The following CPEB4 variants were observed in gnomAD, a reference collection of about 807,000 sequenced individuals.
CPEB4 encodes the protein cytoplasmic polyadenylation element binding protein 4.
Under a neutral mutation model 72.5 loss-of-function variants are expected in CPEB4, and 12 were observed. That is an observed-to-expected ratio of 0.17 (90% confidence interval 0.11 to 0.27). The LOEUF is 0.27. Ranked by LOEUF, CPEB4 falls within the 10% of genes least tolerant of loss-of-function variation. The probability of loss-of-function intolerance (pLI) is 1.00; values close to 1 mark genes in which losing one functional copy is unlikely to be tolerated. For synonymous variants in CPEB4, 302 were observed against 326.3 expected (o/e 0.93, Z 0.80); for missense variants, 614 against 908.5 (o/e 0.68, Z 4.17).
intron 1 of CPEB4, among the ~76,000 whole-genome samples, chr5:173,898,764 C>T (rs1756118205): frequency 6.6e-6 from 1 of 152,234 alleles, no homozygotes; most frequent in Non-Finnish European, 1.5e-5. Flanking sequence ...GCAACCACCA[C>T]CTCCTGGGTT....
At chr5:173,938,206 G>A (rs770833919) in intron 3 of CPEB4, among the ~76,000 whole-genome samples, 6 of 151,914 alleles carry the variant, frequency 3.9e-5, no homozygotes, top group Non-Finnish European at 5.9e-5. Flanking sequence ...AGTCCTCCTG[G>A]AAAAGTCAGG....
chr5:173,896,802 G>A, intron 1 of CPEB4, among the ~76,000 whole-genome samples: 1 of 152,178 alleles, frequency 6.6e-6, no homozygotes, highest in East Asian at 1.9e-4. Flanking sequence ...GGTCACACCT[G>A]TGATCCTAGT....
rs1463197750 is a variant in CPEB4 at position 173,888,712 on chromosome 5, G to A, written c.-1022G>A. ...TTTTTCCTCTTTTTTCCCTCTCTGC[G>A]GAGAATCGAACTGAGGGAACTGAAC... On this transcript the variant is annotated 5_prime_UTR_variant, in exon 1 of 10. Transcript: ENST00000265085. The surrounding 1 kb of genome is among the most constrained non-coding windows in gnomAD (Gnocchi z 4.3). 5.1e-6 allele frequency: 2 copies of A among 392,346 alleles called. No individual in the cohort carries two copies. Among genetic ancestry groups the A allele is most frequent in the Middle Eastern group, 6.3e-4 (1 of 1,578 alleles). The allele number at this position is 392,346 out of a possible 1,614,324, so 24.3% of individuals were successfully genotyped here.
At chr5:173,918,020 A>G (rs55946741) in intron 2 of CPEB4, among the ~76,000 whole-genome samples, 33,789 of 152,176 alleles carry the variant, frequency 0.22, 4,964 homozygotes, top group Non-Finnish European at 0.31. Flanking sequence ...CCTAAGAATT[A>G]GAAAGTTGCC....
intron 5 of CPEB4, among the ~76,000 whole-genome samples, chr5:173,946,348 A>G (rs537524396): frequency 1.3e-5 from 2 of 152,278 alleles, no homozygotes; most frequent in South Asian, 2.1e-4. Flanking sequence ...TTTATGGGGG[A>G]AAATAAGGTT....
intron 5 of CPEB4, among the ~76,000 whole-genome samples, chr5:173,945,721 G>A (rs1203556869): frequency 6.6e-6 from 1 of 152,228 alleles, no homozygotes; most frequent in African/African-American, 2.4e-5. Flanking sequence ...GTGTTGAAAA[G>A]CACACAGCAG....
chr5:173,908,431 TC>T (rs1756522789), intron 1 of CPEB4, among the ~76,000 whole-genome samples: 1 of 152,162 alleles, frequency 6.6e-6, no homozygotes, highest in Non-Finnish European at 1.5e-5. Context: ...ACCCTAACCT[TC>T]CCACCCCTGG....
chr5:173,946,982 T>C (rs930438494), intron 5 of CPEB4, among the ~76,000 whole-genome samples: 1 of 152,008 alleles, frequency 6.6e-6, no homozygotes, highest in Non-Finnish European at 1.5e-5. Context: ...AGGGCTCACA[T>C]AGTGAGCCCT....
intron 2 of CPEB4, among the ~76,000 whole-genome samples, chr5:173,911,681 GT>G (rs67673139): frequency 0.49 from 56,100 of 113,476 alleles, 13,599 homozygotes; most frequent in East Asian, 0.69. Flanking sequence ...TAGAAAGCAG[GT>G]TTTTTTTTTT....
At chr5:173,892,628 C>T (rs1561602453) in intron 1 of CPEB4, among the ~76,000 whole-genome samples, 1 of 152,054 alleles carries the variant, frequency 6.6e-6, no homozygotes, top group Non-Finnish European at 1.5e-5. Context: ...TTTATGTGGC[C>T]TCACAGTTTG....
At chr5:173,937,019 CTTTTTTTTT>C (rs150187685) in intron 3 of CPEB4, among the ~76,000 whole-genome samples, 2 of 97,214 alleles carry the variant, frequency 2.1e-5, no homozygotes, top group African/African-American at 8.1e-5. Context: ...CATTTCTTTC[CTTTTTTTTT>C]TTTTTTTTTT....
intron 3 of CPEB4, among the ~76,000 whole-genome samples, chr5:173,939,256 A>G (rs962441291): frequency 7.9e-5 from 12 of 152,232 alleles, no homozygotes; most frequent in South Asian, 2.1e-4. Context: ...GCAGGCCAGC[A>G]TCTTAGAGAG....
chr5:173,903,060 GAA>G (rs201826621), intron 1 of CPEB4, among the ~76,000 whole-genome samples: 298 of 120,752 alleles, frequency 2.5e-3, no homozygotes, highest in Middle Eastern at 9.5e-3. Context: ...GTAGCTGAAT[GAA>G]AAAAAAAAAA....
intron 1 of CPEB4, among the ~76,000 whole-genome samples, chr5:173,895,732 CAT>C (rs1755983066): frequency 6.6e-6 from 1 of 152,124 alleles, no homozygotes; most frequent in Non-Finnish European, 1.5e-5. Context: ...GCAGAACTGA[CAT>C]ATTGGAAAAA....
In CPEB4 at chr5:173,957,453, A is replaced by G. The variant is rs1758414123; in HGVS notation, c.*1316A>G. On this transcript the variant is annotated 3_prime_UTR_variant, in exon 10 of 10. Transcript: ENST00000265085. ...TAACATTACAGTTTCCGAATTTAGC[A>G]TGGGACATAGTCAGTGTTTGAAGTG... The G allele has an allele frequency of 6.5e-6, 1 of 152,800 alleles. No homozygotes were observed. Among genetic ancestry groups the G allele is most frequent in the Non-Finnish European group, 1.5e-5 (1 of 68,040 alleles). 9.5% of individuals were successfully genotyped at this position (152,800 alleles called of 1,614,324 possible).
At position 173,959,063 on chromosome 5, in the gene CPEB4, T is replaced by G. The variant is rs915875027; in HGVS notation, c.*2926T>G. 1 of 152,802 alleles carries G rather than the reference T, an allele frequency of 6.5e-6. No homozygotes were observed. Among genetic ancestry groups the G allele is most frequent in the Non-Finnish European group, 1.5e-5 (1 of 68,032 alleles). The allele number at this position is 152,802 out of a possible 1,614,324, so 9.5% of individuals were successfully genotyped here. ...TATCTATTACTCTGAACTTTATGAT[T>G]ACATGTTCTTCAGATTACATGGGAT... is the stretch of plus-strand genomic sequence containing the variant. On this transcript the variant is annotated 3_prime_UTR_variant, in exon 10 of 10. Coordinates refer to ENST00000265085, the MANE Select transcript of CPEB4 (RefSeq NM_030627.4).
In CPEB4 at chr5:173,957,002, G is replaced by A. The variant is rs1185437352; in HGVS notation, c.*865G>A. 1 of 152,608 alleles carries A rather than the reference G, an allele frequency of 6.6e-6. No homozygotes were observed. The highest frequency in any genetic ancestry group is 1.5e-5 in the Non-Finnish European group (1 of 68,020). The allele number at this position is 152,608 out of a possible 1,614,324, so 9.5% of individuals were successfully genotyped here. On this transcript the variant is annotated 3_prime_UTR_variant, in exon 10 of 10. Transcript: ENST00000265085. Reference sequence around the variant, plus strand: ...CCAAAGCTAGAATTAATGACAACTGGTGGGAAACCTAGCATTTCCTCTCCT... The same window carrying A: ...CCAAAGCTAGAATTAATGACAACTGATGGGAAACCTAGCATTTCCTCTCCT...
At chr5:173,939,323 G>A (rs1457235822) in intron 3 of CPEB4, among the ~76,000 whole-genome samples, 1 of 145,468 alleles carries the variant, frequency 6.9e-6, no homozygotes, top group Non-Finnish European at 1.5e-5. Context: ...AGTTAATAGG[G>A]TTGCTCCTTT....
intron 1 of CPEB4, among the ~76,000 whole-genome samples, chr5:173,902,954 T>C (rs966810835): frequency 3.3e-5 from 5 of 152,118 alleles, no homozygotes; most frequent in South Asian, 2.1e-4. Context: ...GCATATCCTT[T>C]GTTTAGACTG....
Sources: gnomAD v4.1 joint callset for allele counts (sites outside exome capture counted in the v4.1 genomes callset) on GRCh38, gnomAD v4.1.1 for gene constraint, Gnocchi (gnomAD v3.1) non-coding constraint, MANE v1.5 for transcripts, NCBI Gene and HGNC (gene_info 2026-07-23, HGNC 2026-07-21) for gene names.